The following ARHGAP23 variants were observed in gnomAD, a reference collection of about 807,000 sequenced individuals.
ARHGAP23 encodes Rho GTPase activating protein 23, also known as rho GTPase-activating protein 23.
A neutral mutation model predicts 136.3 loss-of-function variants in ARHGAP23; 34 were observed. That is an observed-to-expected ratio of 0.25 (90% confidence interval 0.19 to 0.33). ARHGAP23 has a LOEUF of 0.33. Among genes scored for constraint, ARHGAP23 ranks in the 10% least tolerant of loss-of-function variants. ARHGAP23 has a pLI of 1.00. For synonymous variants in ARHGAP23, 832 were observed against 920.5 expected (o/e 0.90, Z 1.74); for missense variants, 1,808 against 2,139.0 (o/e 0.85, Z 3.05).
At position 38,421,462 on chromosome 17, in the gene ARHGAP23, G is replaced by C. The variant is rs1468732202; in HGVS notation, n.120+2063G>C. Among the ~76,000 whole-genome samples the C allele has an allele frequency of 3.9e-5, 6 of 152,174 alleles. No homozygotes were observed. In the East Asian group the frequency reaches 1.2e-3, roughly 29 times the overall value. On this transcript the variant is annotated intron_variant and non_coding_transcript_variant, in intron 1 of 4. Coordinates refer to the ARHGAP23 transcript ENST00000633445. ...ATGCACCGGAAGCGTGGTGTGTATG[G>C]AGTGCGTCTGAAATCAGAGCTTCTT...
intron 1 of ARHGAP23, among the ~76,000 whole-genome samples, chr17:38,421,011 G>C (rs918086524): frequency 1.3e-5 from 2 of 152,290 alleles, no homozygotes; most frequent in Admixed American, 6.5e-5. Context: ...CTGCAGCTCA[G>C]CCTGAGTTGT....
At position 38,469,829 on chromosome 17, in the gene ARHGAP23, T is replaced by C. The variant is rs752248169; in HGVS notation, c.1917-18T>C. On this transcript the variant is annotated intron_variant, in intron 9 of 23. Coordinates refer to ENST00000622683, the MANE Select transcript of ARHGAP23 (RefSeq NM_001199417.2). The stretch of plus-strand genomic sequence containing the variant: ...GCTTTGCTGCCCACATCCCTCACCC[T>C]CGACCCTCGCTTTCCAGGCGCCTGC... 41 of 1,551,568 alleles carry C rather than the reference T, an allele frequency of 2.6e-5. No individual in the cohort carries two copies. Among genetic ancestry groups the C allele is most frequent in the Non-Finnish European group, 3.5e-5 (40 of 1,146,918 alleles).
intron 22 of ARHGAP23, among the ~76,000 whole-genome samples, chr17:38,500,177 T>C (rs2040489904): frequency 6.6e-6 from 1 of 152,214 alleles, no homozygotes; most frequent in African/African-American, 2.4e-5. Flanking sequence ...TCTCCATTTC[T>C]CCAGAGCATC....
chr17:38,434,363 A>G (rs762631753), intron 1 of ARHGAP23, among the ~76,000 whole-genome samples: 6 of 152,226 alleles, frequency 3.9e-5, no homozygotes, highest in African/African-American at 1.4e-4. Flanking sequence ...TTTGTCCCCA[A>G]CCGCTGGGAA....
chr17:38,428,681 C>A, intron 1 of ARHGAP23, 133 bp downstream of exon 1: 1 of 536,112 alleles, frequency 1.9e-6, no homozygotes, highest in Non-Finnish European at 2.8e-6. Flanking sequence ...CCGCGGGCAC[C>A]GCTGCGGGGA....
intron 10 of ARHGAP23, among the ~76,000 whole-genome samples, chr17:38,471,149 C>T (rs2039746873): frequency 6.6e-6 from 1 of 152,086 alleles, no homozygotes; most frequent in African/African-American, 2.4e-5. Context: ...GATGGGGTTT[C>T]ACCATGTTGG....
chr17:38,485,515 C>T (rs1334811139), intron 16 of ARHGAP23, among the ~76,000 whole-genome samples: 1 of 152,146 alleles, frequency 6.6e-6, no homozygotes, highest in Non-Finnish European at 1.5e-5. Flanking sequence ...TTGGGTTAAG[C>T]GCCAGGAAGG....
In ARHGAP23 at chr17:38,490,163, G is replaced by A. The variant is rs750268208; in HGVS notation, c.3048G>A (p.Thr1016=). 2.4e-5 allele frequency: 38 copies of A among 1,551,544 alleles called. No homozygotes were observed. In the Admixed American group the frequency reaches 2.9e-4, roughly 12 times the overall value. Residue 1016 remains threonine (T), a synonymous_variant, in exon 18 of 24, where the codon ACG becomes ACA. Coordinates refer to ENST00000622683, the MANE Select transcript of ARHGAP23 (RefSeq NM_001199417.2). ...AGGACGCGCGGGAGCGAATGAGGAC[G>A]CTGCGGAAGCTGGTAAGGAGAGAGA... The part of the protein sequence containing the change: ...RIEDARERMR[T]LRKLIRDLPG...
chr17:38,510,688 C>T lies in ARHGAP23; in HGVS notation c.4192C>T (p.Arg1398Trp), dbSNP rs1393189211. Residue 1398 changes from arginine to tryptophan, a missense_variant, in exon 24 of 24, where the codon CGG becomes TGG. Around this residue, in one of 7 missense-constraint regions of ARHGAP23, gnomAD observed 506 missense variants for 455.8 expected, o/e 1.11. Transcript: ENST00000622683. The surrounding 1 kb of genome is among the most constrained non-coding windows in gnomAD (Gnocchi z 4.6). ...LRRPLSPETR[R>W]RRSSWRRHTV... The stretch of plus-strand genomic sequence containing the variant: ...GCGGCCGCTGTCGCCCGAGACCCGG[C>T]GGCGCCGGAGCAGCTGGCGCCGCCA... 7.1e-6 allele frequency: 10 copies of T among 1,415,192 alleles called. No homozygotes were observed. The highest frequency in any genetic ancestry group is 3.6e-5 in the Admixed American group (1 of 27,410). The allele number at this position is 1,415,192 out of a possible 1,614,324, so 87.7% of individuals were successfully genotyped here. A position where few individuals can be genotyped will look rare whatever the true frequency, so the allele number is the denominator to read the frequency against.
chr17:38,469,855 C>G lies in ARHGAP23; in HGVS notation c.1925C>G (p.Pro642Arg). 2 of 1,551,700 alleles carry G rather than the reference C, an allele frequency of 1.3e-6. No individual in the cohort carries two copies. Among genetic ancestry groups the G allele is most frequent in the Non-Finnish European group, 1.7e-6 (2 of 1,146,992 alleles). Residue 642 changes from proline (P) to arginine (R), a missense_variant, in exon 10 of 24, where the codon CCA becomes CGA. Pro to Arg is a moderately radical substitution (Grantham distance 103, BLOSUM62 -2). This residue lies in a region of ARHGAP23 where 859 missense variants were observed against 936.4 expected (regional missense o/e 0.92). Coordinates refer to ENST00000622683, the MANE Select transcript of ARHGAP23 (RefSeq NM_001199417.2). ...CGACCCTCGCTTTCCAGGCGCCTGC[C>G]AAACCGCATACCCAGCCTGCGGATG... Reference protein sequence around the residue: ...RDEGRVLRRLPNRIPSLRMLR... With the variant: ...RDEGRVLRRLRNRIPSLRMLR...
At position 38,460,952 on chromosome 17, in the gene ARHGAP23, C is replaced by T. The variant is rs1416212738; in HGVS notation, c.253+20C>T. ...GAGGAGGTAAGGGAGGACTGGCGGG[C>T]GCTGGACCTGCACGGGACTCCTCTT... On this transcript the variant is annotated intron_variant, in intron 3 of 23. Coordinates refer to ENST00000622683, the MANE Select transcript of ARHGAP23 (RefSeq NM_001199417.2). The T allele has an allele frequency of 5.9e-6, 9 of 1,535,658 alleles. No individual in the cohort carries two copies. Among genetic ancestry groups the T allele is most frequent in the East Asian group, 4.9e-5 (2 of 40,918 alleles).
chr17:38,461,304 G>T (rs1597787907), intron 3 of ARHGAP23, among the ~76,000 whole-genome samples: 1 of 152,244 alleles, frequency 6.6e-6, no homozygotes, highest in East Asian at 1.9e-4. Flanking sequence ...GGGGCTGGTG[G>T]TGGGAGCGCT....
intron 6 of ARHGAP23, among the ~76,000 whole-genome samples, chr17:38,463,826 A>C (rs1333414400): frequency 6.6e-6 from 1 of 152,138 alleles, no homozygotes; most frequent in Non-Finnish European, 1.5e-5. Flanking sequence ...CGAGCAGTAC[A>C]CAGCCACACA....
At chr17:38,433,344 A>G (rs2144495777) in intron 1 of ARHGAP23, among the ~76,000 whole-genome samples, 1 of 152,328 alleles carries the variant, frequency 6.6e-6, no homozygotes, top group East Asian at 1.9e-4. Flanking sequence ...GAGATTTAGT[A>G]ATCTCAATTA....
rs1019456610 is a variant in ARHGAP23, at chr17:38,511,090, G to A, written c.*118G>A. 17 of 1,088,158 alleles carry A rather than the reference G, an allele frequency of 1.6e-5. No homozygotes were observed. In the South Asian group the frequency reaches 3.2e-4, roughly 21 times the overall value. The allele number at this position is 1,088,158 out of a possible 1,614,324, so 67.4% of individuals were successfully genotyped here. A position where few individuals can be genotyped will look rare whatever the true frequency, so the allele number is the denominator to read the frequency against. On this transcript the variant is annotated 3_prime_UTR_variant, in exon 24 of 24. Coordinates refer to ENST00000622683, the MANE Select transcript of ARHGAP23 (RefSeq NM_001199417.2). ...CCCTGGGTGCATGGTGTGGGTGGAG[G>A]GCGCAGCAGGCAGTGTCTCTAGTTG... is the stretch of plus-strand genomic sequence containing the variant.
intron 1 of ARHGAP23, among the ~76,000 whole-genome samples, chr17:38,449,725 A>C (rs2144563654): frequency 6.6e-6 from 1 of 152,264 alleles, no homozygotes; most frequent in East Asian, 1.9e-4. Context: ...GGTGGTGTGC[A>C]ACTGGTGTAC....
rs576442268 is a variant in ARHGAP23 at position 38,436,168 on chromosome 17, G to A, written c.63+7620G>A. On this transcript the variant is annotated intron_variant, in intron 1 of 23. Transcript: ENST00000622683. ...CCAGAGCCCAGGAGATGGTCGGGGG[G>A]ATGTTTGCAAGAGGAGAGGGTAGGA... is the stretch of plus-strand genomic sequence containing the variant. 5.3e-5 allele frequency among the ~76,000 whole-genome samples: 8 copies of A among 152,258 alleles called. No individual in the cohort carries two copies. In the South Asian group the frequency reaches 6.2e-4, roughly 12 times the overall value.
At position 38,469,508 on chromosome 17, in the gene ARHGAP23, G is replaced by A; in HGVS notation, c.1805-16G>A. 6.5e-7 allele frequency: 1 copy of A among 1,546,460 alleles called. No homozygotes were observed. Among genetic ancestry groups the A allele is most frequent in the East Asian group, 2.4e-5 (1 of 40,914 alleles). ...TGCCCCGCTGACCCTGAGGCCCGAT[G>A]TGGGCGGCTTTGCAGGCAGCATCAA... On this transcript the variant is annotated splice_polypyrimidine_tract_variant and intron_variant, in intron 8 of 23. Transcript: ENST00000622683.
At chr17:38,451,809 A>G (rs1280576178) in intron 1 of ARHGAP23, 1 of 152,594 alleles carries the variant, frequency 6.6e-6, no homozygotes, top group African/African-American at 2.4e-5. Flanking sequence ...AGTGGTCCCA[A>G]CACCGAATCC....
Sources: gnomAD v4.1 joint callset for allele counts (sites outside exome capture counted in the v4.1 genomes callset) on GRCh38, gnomAD v4.1.1 for gene constraint, gnomAD v4.1.1 regional missense constraint, Gnocchi (gnomAD v3.1) non-coding constraint, MANE v1.5 for transcripts, NCBI Gene and HGNC (gene_info 2026-07-23, HGNC 2026-07-21) for gene names.